Variants in CFAP47 observed in about 807,000 individuals in gnomAD.
CFAP47 encodes the protein cilia and flagella associated protein 47, also known as cilia- and flagella-associated protein 47.
CFAP47 carries 29 observed loss-of-function variants against 148.1 expected under a neutral mutation model. That is an observed-to-expected ratio of 0.20 (90% CI 0.15 to 0.27). The LOEUF is 0.27. Among genes scored for constraint, CFAP47 ranks in the 10% least tolerant of loss-of-function variants. The pLI is 1.00. For missense variants in CFAP47, 1,872 were observed against 1,697.5 expected (o/e 1.10, Z -1.81); for synonymous variants, 664 against 577.3 (o/e 1.15, Z -2.15).
chrX:36,251,118 T>C (rs1555998136), intron 48 of CFAP47, among the ~76,000 whole-genome samples: 2 of 111,154 alleles, frequency 1.8e-5, no homozygotes, highest in African/African-American at 6.5e-5. Context: ...CTTTGTTCCA[T>C]TTTTAAATAG....
chrX:36,182,299 A>G (rs767179164), intron 40 of CFAP47, among the ~76,000 whole-genome samples: 1 of 110,977 alleles, frequency 9.0e-6, no homozygotes, highest in South Asian at 3.8e-4. Context: ...AGACTGGAAA[A>G]CCTCCTTTCT....
At chrX:36,052,379 T>C (rs1482810641) in intron 26 of CFAP47, among the ~76,000 whole-genome samples, 1 of 112,325 alleles carries the variant, frequency 8.9e-6, no homozygotes, top group African/African-American at 3.2e-5. Flanking sequence ...ATATATCCTC[T>C]GCCTTTAAAA....
chrX:36,175,432 A>G (rs903422186), intron 39 of CFAP47, among the ~76,000 whole-genome samples: 3 of 110,931 alleles, frequency 2.7e-5, no homozygotes, highest in African/African-American at 9.8e-5. Context: ...TTGTGGTTTT[A>G]TCTACTTTTG....
At chrX:35,948,585 T>G in intron 4 of CFAP47, 133 bp downstream of exon 4, 1 of 501,411 alleles carries the variant, frequency 2.0e-6, no homozygotes, top group Non-Finnish European at 3.2e-6. Context: ...GAGTCTCTAC[T>G]ATTTGCCAAG....
chrX:36,158,350 G>A (rs1939392538), intron 37 of CFAP47, among the ~76,000 whole-genome samples: 1 of 112,346 alleles, frequency 8.9e-6, no homozygotes, highest in Non-Finnish European at 1.9e-5. Context: ...TCAAGGCAAG[G>A]CAAGATTGAA....
At chrX:36,131,095 T>C (rs1252615336) in intron 33 of CFAP47, among the ~76,000 whole-genome samples, 2 of 111,361 alleles carry the variant, frequency 1.8e-5, no homozygotes, top group South Asian at 3.7e-4. Context: ...AATGGATAAA[T>C]GCTTGAGGAG....
At chrX:35,937,866 A>G (rs1342595026) in intron 2 of CFAP47, among the ~76,000 whole-genome samples, 2 of 111,403 alleles carry the variant, frequency 1.8e-5, no homozygotes, top group African/African-American at 6.5e-5. Flanking sequence ...ACCCTGAAAA[A>G]AGAAGAAAGA....
At chrX:36,243,620 C>T (rs1274791791) in intron 48 of CFAP47, among the ~76,000 whole-genome samples, 1 of 80,685 alleles carries the variant, frequency 1.2e-5, no homozygotes, top group Non-Finnish European at 2.4e-5. Flanking sequence ...TGCAAGTCAA[C>T]AAAAAACTTA....
intron 1 of CFAP47, among the ~76,000 whole-genome samples, chrX:35,924,038 TATGTGTATATGTACATGTATGCGCACATA>T (rs1935646612): frequency 1.0e-5 from 1 of 97,997 alleles, no homozygotes; most frequent in African/African-American, 4.1e-5. Flanking sequence ...TATGCACATA[TATGTGTATATGTACATGTATGCGCACATA>T]TATGTATATA....
chrX:36,166,371 A>G (rs1318650568), intron 39 of CFAP47, among the ~76,000 whole-genome samples: 2 of 110,845 alleles, frequency 1.8e-5, no homozygotes, highest in Admixed American at 9.6e-5. Flanking sequence ...CCCAATTCAA[A>G]TCTACTATTA....
rs745343309 is a variant in CFAP47 at position 35,948,361 on chromosome X, C to T, written c.565C>T (p.Pro189Ser). The T allele has an allele frequency of 2.3e-5, 27 of 1,199,207 alleles. No individual in the cohort carries two copies. The highest frequency in any genetic ancestry group is 4.5e-6 in the Non-Finnish European group (4 of 885,576). Reference sequence around the variant, plus strand: ...CGGCCAATTACCCATCCTCATTTTTCCAACTAGTGGTATCGTGGATGCTAA... The same window carrying T: ...CGGCCAATTACCCATCCTCATTTTTTCAACTAGTGGTATCGTGGATGCTAA... ...YHGQLPILIF[P>S]TSGIVDAKSS... Residue 189 changes from proline to serine, a missense_variant, in exon 4 of 64, where the codon CCA becomes TCA. Coordinates refer to ENST00000378653, the MANE Select transcript of CFAP47 (RefSeq NM_001304548.2).
chrX:36,256,405 G>T lies in CFAP47; in HGVS notation c.7444+4961G>T, dbSNP rs782424380. Among the ~76,000 whole-genome samples the T allele has an allele frequency of 4.5e-5, 5 of 112,130 alleles. No homozygotes were observed. In the South Asian group the frequency reaches 1.8e-3, roughly 41 times the overall value. ...GTTCACAACATAAAGCAACTAATTT[G>T]TAATGTAGCACTAGCAAAATAACTT... On this transcript the variant is annotated intron_variant, in intron 49 of 63. Coordinates refer to ENST00000378653, the MANE Select transcript of CFAP47 (RefSeq NM_001304548.2).
chrX:35,956,019 A>G lies in CFAP47; in HGVS notation c.1233A>G (p.Leu411=), dbSNP rs1223340477. The change falls in exon 8 of 64, where the codon CTA becomes CTG. Residue 411 remains leucine (L), a synonymous_variant. Transcript: ENST00000378653. ...ALTGTGLPVL[L]QFDPGPVLNF... ...CAGGCACAGGACTTCCTGTTTTACT[A>G]CAGTTTGATCCAGGACCAGTTCTTA... 3.3e-6 allele frequency: 4 copies of G among 1,210,547 alleles called. No homozygotes were observed. Among genetic ancestry groups the G allele is most frequent in the South Asian group, 1.8e-5 (1 of 56,854 alleles).
intron 55 of CFAP47, among the ~76,000 whole-genome samples, chrX:36,308,145 T>C (rs1941365868): frequency 9.0e-6 from 1 of 111,522 alleles, no homozygotes; most frequent in African/African-American, 3.2e-5. Flanking sequence ...GTTCTGTATC[T>C]TAATAGCTTT....
chrX:36,312,416 T>C (rs1238397271), intron 56 of CFAP47, among the ~76,000 whole-genome samples: 1 of 110,953 alleles, frequency 9.0e-6, no homozygotes, highest in Non-Finnish European at 1.9e-5. Context: ...AAATTAAATA[T>C]AAAAGTTATT....
chrX:36,044,611 G>C (rs1203846668), intron 25 of CFAP47, among the ~76,000 whole-genome samples: 1 of 112,012 alleles, frequency 8.9e-6, no homozygotes, highest in Non-Finnish European at 1.9e-5. Context: ...TTTTACTCCA[G>C]CTCCCAATAA....
intron 30 of CFAP47, 145 bp downstream of exon 30, chrX:36,085,683 G>GTA (rs1204194465): frequency 8.7e-5 from 17 of 194,358 alleles, no homozygotes; most frequent in South Asian, 6.5e-4. Context: ...ATACACACAC[G>GTA]TATATATATA....
At chrX:35,933,129 C>A (rs2146622120) in intron 2 of CFAP47, among the ~76,000 whole-genome samples, 1 of 111,346 alleles carries the variant, frequency 9.0e-6, no homozygotes, top group African/African-American at 3.3e-5. Context: ...TTACTGTGGT[C>A]ATCTTGTTGT....
intron 57 of CFAP47, among the ~76,000 whole-genome samples, chrX:36,341,446 G>T (rs1941652703): frequency 9.0e-6 from 1 of 111,272 alleles, no homozygotes; most frequent in Non-Finnish European, 1.9e-5. Flanking sequence ...GAGCAGAAAT[G>T]TAATACAACT....
Sources: allele counts gnomAD v4.1 joint callset (sites outside exome capture counted in the v4.1 genomes callset), GRCh38; gene constraint gnomAD v4.1.1; transcripts MANE v1.5; gene names NCBI Gene and HGNC (gene_info 2026-07-23, HGNC 2026-07-21).